KIAA1549: variants seen among roughly 807,000 people sequenced by gnomAD.
KIAA1549 encodes KIAA1549.
Under a neutral mutation model 156.4 loss-of-function variants are expected in KIAA1549, and 70 were observed. The ratio of observed to expected loss-of-function variants is 0.45; its 90% CI spans 0.37 to 0.55. KIAA1549 has a LOEUF of 0.55. Among genes scored for constraint, KIAA1549 ranks in the 20% least tolerant of loss-of-function variants. The probability of loss-of-function intolerance (pLI) is 0.00; values close to 1 mark genes in which losing one functional copy is unlikely to be tolerated. For missense variants in KIAA1549, 2,428 were observed against 2,540.9 expected (o/e 0.96, Z 0.96); for synonymous variants, 1,103 against 1,066.4 (o/e 1.03, Z -0.67).
intron 18 of KIAA1549, among the ~76,000 whole-genome samples, chr7:138,844,014 C>T (rs1584696902): frequency 6.6e-6 from 1 of 152,270 alleles, no homozygotes; most frequent in East Asian, 1.9e-4. Flanking sequence ...GTTTTCATGC[C>T]ATCCAAAGTG....
At chr7:138,936,626 G>A (rs191175377) in intron 1 of KIAA1549, among the ~76,000 whole-genome samples, 1 of 152,186 alleles carries the variant, frequency 6.6e-6, no homozygotes, top group East Asian at 1.9e-4. Flanking sequence ...TGTTTCCTGG[G>A]TGGTGTCTTA....
intron 1 of KIAA1549, among the ~76,000 whole-genome samples, chr7:138,966,222 G>A (rs905257002): frequency 9.9e-5 from 15 of 152,110 alleles, no homozygotes; most frequent in African/African-American, 3.4e-4. Context: ...AGGTCATATC[G>A]AAGTAGGGTG....
At chr7:138,963,099 G>T (rs778619727) in intron 1 of KIAA1549, among the ~76,000 whole-genome samples, 2 of 152,244 alleles carry the variant, frequency 1.3e-5, no homozygotes, top group African/African-American at 4.8e-5. Flanking sequence ...TCAGCACATG[G>T]CAGTGAGTGC....
Position 138,918,587 on chromosome 7 carries a change from C to A in KIAA1549, c.1039G>T (p.Ala347Ser). The A allele has an allele frequency of 6.2e-7, 1 of 1,614,004 alleles. No homozygotes were observed. The highest frequency in any genetic ancestry group is 8.5e-7 in the Non-Finnish European group (1 of 1,179,900). The change falls in exon 2 of 20, where the codon GCA (alanine) becomes TCA (serine). Residue 347 changes from alanine (A) to serine (S), a missense_variant. Around this residue, in one of 5 missense-constraint regions of KIAA1549, gnomAD observed 893 missense variants for 847.9 expected, o/e 1.05. Coordinates refer to ENST00000422774, the MANE Select transcript of KIAA1549 (RefSeq NM_001164665.2). This position sits in a 1 kb window ranked among gnomAD's most constrained non-coding sequence, Gnocchi z 4.2. ...ISPRTYPTVTASHAALAFSRT... is the reference protein window; with the variant it reads ...ISPRTYPTVTSSHAALAFSRT... ...CTGAATGCAAGGGCTGCGTGCGATG[C>A]AGTCACAGTGGGGTATGTTCTTGGA...
At chr7:138,947,278 T>C (rs573953678) in intron 1 of KIAA1549, among the ~76,000 whole-genome samples, 4 of 152,196 alleles carry the variant, frequency 2.6e-5, no homozygotes, top group Non-Finnish European at 5.9e-5. Flanking sequence ...ATGCCTACTA[T>C]ATGCCAAATT....
At chr7:138,970,431 A>G (rs528402609) in intron 1 of KIAA1549, among the ~76,000 whole-genome samples, 16 of 152,238 alleles carry the variant, frequency 1.1e-4, no homozygotes, top group Admixed American at 3.9e-4. Context: ...TACTGCTCCT[A>G]CCCTCAGTTT....
intron 19 of KIAA1549, among the ~76,000 whole-genome samples, 178 bp downstream of exon 19, chr7:138,839,954 AT>A (rs1309482097): frequency 3.3e-5 from 5 of 149,890 alleles, no homozygotes; most frequent in African/African-American, 4.9e-5. Context: ...CGCCTGGCTA[AT>A]TTTTTTTTGT....
chr7:138,957,811 C>A (rs1813712764), intron 1 of KIAA1549, among the ~76,000 whole-genome samples: 1 of 152,150 alleles, frequency 6.6e-6, no homozygotes, highest in African/African-American at 2.4e-5. Context: ...ATGGACCCAA[C>A]TGGTATCCCA....
chr7:138,917,460 G>A lies in KIAA1549; in HGVS notation c.2166C>T (p.Phe722=), dbSNP rs374112362. The change falls in exon 2 of 20, where the codon TTC becomes TTT. Residue 722 remains phenylalanine (F), a synonymous_variant. Transcript: ENST00000422774. ...CAACAAACTCGAGAGAATCAGAAGGGAAGCTTGACCATGGTGACACCTCAG... is the reference window on the plus strand; with the variant it reads ...CAACAAACTCGAGAGAATCAGAAGGAAAGCTTGACCATGGTGACACCTCAG... The part of the protein sequence containing the change: ...SRSEVSPWSS[F]PSDSLEFVEA... The A allele has an allele frequency of 6.2e-7, 1 of 1,613,852 alleles. No homozygotes were observed. Among genetic ancestry groups the A allele is most frequent in the Non-Finnish European group, 8.5e-7 (1 of 1,179,910 alleles).
intron 16 of KIAA1549, among the ~76,000 whole-genome samples, chr7:138,857,104 T>C (rs945220348): frequency 6.6e-6 from 1 of 152,138 alleles, no homozygotes; most frequent in African/African-American, 2.4e-5. Flanking sequence ...CTGGCTTCTG[T>C]GGGTTTCCGG....
chr7:138,973,212 C>G (rs766309032), intron 1 of KIAA1549, among the ~76,000 whole-genome samples: 1 of 152,224 alleles, frequency 6.6e-6, no homozygotes, highest in African/African-American at 2.4e-5. Flanking sequence ...CTCCTGCCAC[C>G]ATTAAGTTAT....
chr7:138,975,150 T>C (rs1814337353), intron 1 of KIAA1549, among the ~76,000 whole-genome samples: 1 of 152,154 alleles, frequency 6.6e-6, no homozygotes, highest in African/African-American at 2.4e-5. Context: ...GAGGCAGTGA[T>C]GATGCTCAGA....
chr7:138,958,944 G>C (rs1049829270), intron 1 of KIAA1549, among the ~76,000 whole-genome samples: 3 of 152,024 alleles, frequency 2.0e-5, no homozygotes, highest in African/African-American at 7.2e-5. Flanking sequence ...CTGTCACCCA[G>C]GCTGGAGTGC....
rs1017952139 is a variant in KIAA1549 at position 138,852,419 on chromosome 7, C to T, written c.5248-150G>A. On this transcript the variant is annotated intron_variant, in intron 16 of 19. Coordinates refer to ENST00000422774, the MANE Select transcript of KIAA1549 (RefSeq NM_001164665.2). ...TAGCATGTTACCGGGCACTCTGCCA[C>T]CAAGTGATGCTACAAGTTTCGGTTC... 11 of 564,494 alleles carry T rather than the reference C, an allele frequency of 1.9e-5. No individual in the cohort carries two copies. In the African/African-American group the frequency reaches 2.1e-4, roughly 11 times the overall value. 35.0% of individuals were successfully genotyped at this position (564,494 alleles called of 1,614,324 possible). A position where few individuals can be genotyped will look rare whatever the true frequency, so the allele number is the denominator to read the frequency against.
chr7:138,962,368 G>T (rs886270460), intron 1 of KIAA1549, among the ~76,000 whole-genome samples: 7 of 152,176 alleles, frequency 4.6e-5, no homozygotes, highest in Non-Finnish European at 1.0e-4. Flanking sequence ...CAATGTCAAT[G>T]TCTAGGCTAT....
chr7:138,885,820 G>A (rs894676644), intron 10 of KIAA1549, among the ~76,000 whole-genome samples: 3 of 152,156 alleles, frequency 2.0e-5, no homozygotes, highest in East Asian at 1.9e-4. Context: ...CCCAAAAAGC[G>A]ATGGTGGGAA....
chr7:138,931,572 T>C (rs1454347454), intron 1 of KIAA1549, among the ~76,000 whole-genome samples: 1 of 151,828 alleles, frequency 6.6e-6, no homozygotes, highest in Non-Finnish European at 1.5e-5. Flanking sequence ...GCCAACATGG[T>C]GAAAACCCAT....
Position 138,837,908 on chromosome 7 carries a change from A to G in KIAA1549, c.5851T>C (p.Ter1951ArgextTer47), listed in dbSNP as rs1233765208. The G allele has an allele frequency of 6.2e-7, 1 of 1,613,194 alleles. No homozygotes were observed. Among genetic ancestry groups the G allele is most frequent in the Non-Finnish European group, 8.5e-7 (1 of 1,179,746 alleles). ...GCAAATCTGCGAGGCGAGGCCGATCAGCTGTGGAAGTTCTGCACGGTGCTC... is the reference window on the plus strand; with the variant it reads ...GCAAATCTGCGAGGCGAGGCCGATCGGCTGTGGAAGTTCTGCACGGTGCTC... ...KQSTVQNFHS[*>R] The change falls in exon 20 of 20, where the codon TGA (stop) becomes CGA (arginine). Residue 1951 changes from the stop codon to arginine (R), a stop_lost. Transcript: ENST00000422774.
At position 138,919,403 on chromosome 7, in the gene KIAA1549, A is replaced by T. The variant is rs1316152294; in HGVS notation, c.223T>A (p.Tyr75Asn). Reference sequence around the variant, plus strand: ...TTCTTCAGCACGAGCTCCATGGAGTATAAAGAAAGGTTGTGCTGTTCCGGA... The same window carrying T: ...TTCTTCAGCACGAGCTCCATGGAGTTTAAAGAAAGGTTGTGCTGTTCCGGA... Reference protein sequence around the residue: ...LSPEQHNLSLYSMELVLKKST... With the variant: ...LSPEQHNLSLNSMELVLKKST... The change falls in exon 2 of 20, where the codon TAC becomes AAC. Residue 75 changes from tyrosine to asparagine, a missense_variant. Physicochemically the swap from Tyr to Asn is moderately radical, Grantham distance 143. This residue lies in a region of KIAA1549 where 893 missense variants were observed against 847.9 expected (regional missense o/e 1.05). Coordinates refer to ENST00000422774, the MANE Select transcript of KIAA1549 (RefSeq NM_001164665.2). 1 of 1,614,032 alleles carries T rather than the reference A, an allele frequency of 6.2e-7. No homozygotes were observed. The highest frequency in any genetic ancestry group is 8.5e-7 in the Non-Finnish European group (1 of 1,179,902).
Sources: allele counts gnomAD v4.1 joint callset (sites outside exome capture counted in the v4.1 genomes callset), GRCh38; gene constraint gnomAD v4.1.1; regional missense constraint gnomAD v4.1.1; non-coding constraint Gnocchi (gnomAD v3.1); transcripts MANE v1.5; gene names NCBI Gene and HGNC (gene_info 2026-07-23, HGNC 2026-07-21).